SQOR: variants seen among roughly 807,000 people sequenced by gnomAD.
SQOR encodes sulfide:quinone oxidoreductase, mitochondrial.
A neutral mutation model predicts 48.6 loss-of-function variants in SQOR; 39 were observed. That is an observed-to-expected ratio of 0.80 (90% CI 0.62 to 1.05). SQOR has a LOEUF of 1.05. SQOR is among the 50% of genes least tolerant of loss of function. The pLI, the probability that SQOR is intolerant of heterozygous loss-of-function variation, is 0.00. For synonymous variants in SQOR, 220 were observed against 206.2 expected (o/e 1.07, Z -0.57); for missense variants, 561 against 559.9 (o/e 1.00, Z -0.02).
intron 5 of SQOR, among the ~76,000 whole-genome samples, chr15:45,675,808 A>G (rs1310026299): frequency 6.6e-6 from 1 of 152,188 alleles, no homozygotes; most frequent in Non-Finnish European, 1.5e-5. Context: ...GAATATATGA[A>G]TAAACATTCC....
intron 1 of SQOR, among the ~76,000 whole-genome samples, chr15:45,637,460 C>T (rs1391735467): frequency 1.3e-5 from 2 of 152,130 alleles, no homozygotes; most frequent in African/African-American, 4.8e-5. Context: ...GGGAGGTACT[C>T]ATTATTTATT....
At chr15:45,668,400 T>A (rs1242118816) in intron 3 of SQOR, among the ~76,000 whole-genome samples, 1 of 152,244 alleles carries the variant, frequency 6.6e-6, no homozygotes, top group Non-Finnish European at 1.5e-5. Flanking sequence ...ATTTAGTGAC[T>A]GTGCTAGATT....
At chr15:45,673,362 T>C (rs1889976241) in intron 4 of SQOR, among the ~76,000 whole-genome samples, 1 of 152,158 alleles carries the variant, frequency 6.6e-6, no homozygotes, top group South Asian at 2.1e-4. Context: ...ATTCAAATTG[T>C]ATTCTCAAGG....
chr15:45,659,315 G>A (rs149017477), intron 2 of SQOR, among the ~76,000 whole-genome samples, 158 bp downstream of exon 2: 2,115 of 152,262 alleles, frequency 0.014, 23 homozygotes, highest in Non-Finnish European at 0.023. Context: ...AGCCTATCCA[G>A]AAGGACTGGG....
At chr15:45,690,861 G>A (rs1016335527) in intron 9 of SQOR, 112 bp from the exon 10 acceptor site, 9 of 885,246 alleles carry the variant, frequency 1.0e-5, no homozygotes, top group Admixed American at 3.4e-5. Context: ...CTTGCTTTAC[G>A]TGCTGATGAA....
intron 2 of SQOR, among the ~76,000 whole-genome samples, chr15:45,660,358 G>A (rs140343478): frequency 2.6e-5 from 4 of 152,326 alleles, no homozygotes; most frequent in East Asian, 3.9e-4. Context: ...TTAAAGTGAC[G>A]TCTGTTCAAT....
At position 45,690,243 on chromosome 15, in the gene SQOR, T is replaced by G. The variant is rs919100481; in HGVS notation, c.1296-730T>G. Among the ~76,000 whole-genome samples, 3 of 152,176 alleles carry G rather than the reference T, an allele frequency of 2.0e-5. No homozygotes were observed. The South Asian group carries it at 6.2e-4, about 32-fold the overall frequency. The stretch of plus-strand genomic sequence containing the variant: ...ACCATGCCCAGCTAATTTTTGTATT[T>G]TTAGTAGAGACAGGGTTTTGCCATG... On this transcript the variant is annotated intron_variant, in intron 9 of 9. Transcript: ENST00000260324.
intron 4 of SQOR, among the ~76,000 whole-genome samples, chr15:45,673,230 T>C (rs1889974105): frequency 6.6e-6 from 1 of 152,222 alleles, no homozygotes; most frequent in Admixed American, 6.5e-5. Context: ...TTAAGTTTGC[T>C]ATTCTTGATG....
intron 1 of SQOR, among the ~76,000 whole-genome samples, chr15:45,645,319 C>A (rs1431249535): frequency 6.6e-6 from 1 of 152,166 alleles, no homozygotes; most frequent in Non-Finnish European, 1.5e-5. Flanking sequence ...CAGATTTAGA[C>A]CCGCCTTCTT....
intron 1 of SQOR, among the ~76,000 whole-genome samples, chr15:45,650,466 G>A (rs1322318898): frequency 6.6e-6 from 1 of 152,194 alleles, no homozygotes; most frequent in Non-Finnish European, 1.5e-5. Flanking sequence ...GAGTGTTACA[G>A]CACATAAGGG....
intron 7 of SQOR, among the ~76,000 whole-genome samples, chr15:45,686,443 C>T (rs1468622651): frequency 5.9e-5 from 9 of 152,134 alleles, no homozygotes; most frequent in Admixed American, 1.3e-4. Context: ...TGAGCCACCG[C>T]GCCCGGCCTC....
chr15:45,642,370 T>C (rs956345285), intron 1 of SQOR, among the ~76,000 whole-genome samples: 1 of 152,156 alleles, frequency 6.6e-6, no homozygotes, highest in Non-Finnish European at 1.5e-5. Flanking sequence ...GTGGGCTTAG[T>C]GTTAGAGGCC....
At chr15:45,655,723 G>C (rs1402513302) in intron 1 of SQOR, among the ~76,000 whole-genome samples, 5 of 140,998 alleles carry the variant, frequency 3.5e-5, no homozygotes, top group Admixed American at 2.3e-4. Flanking sequence ...TCACTCTGTT[G>C]CCCAGGCTGG....
chr15:45,642,105 G>T (rs1360527802), intron 1 of SQOR, among the ~76,000 whole-genome samples: 1 of 152,188 alleles, frequency 6.6e-6, no homozygotes, highest in African/African-American at 2.4e-5. Context: ...AATCAAAAAT[G>T]CTGAACTCAA....
intron 1 of SQOR, among the ~76,000 whole-genome samples, chr15:45,648,359 G>A (rs1453524871): frequency 2.6e-5 from 4 of 151,958 alleles, no homozygotes; most frequent in Admixed American, 2.6e-4. Context: ...TGTATTTTTA[G>A]GAGAGACGGG....
At chr15:45,640,500 G>A (rs906171454) in intron 1 of SQOR, among the ~76,000 whole-genome samples, 1 of 152,134 alleles carries the variant, frequency 6.6e-6, no homozygotes, top group African/African-American at 2.4e-5. Flanking sequence ...GAAGAGACGT[G>A]AGCTGTCTAC....
intron 3 of SQOR, among the ~76,000 whole-genome samples, chr15:45,669,177 A>G (rs1267862583): frequency 7.5e-6 from 1 of 132,630 alleles, no homozygotes; most frequent in African/African-American, 2.7e-5. Flanking sequence ...ATTTTTTTTT[A>G]ATTTTTTTTT....
chr15:45,656,497 T>A (rs1375244991), intron 1 of SQOR, among the ~76,000 whole-genome samples: 6 of 151,852 alleles, frequency 4.0e-5, no homozygotes, highest in Admixed American at 6.6e-5. Context: ...TCCCCATGTT[T>A]TCCATGCTAG....
chr15:45,674,875 G>A (rs1890007469), intron 5 of SQOR, among the ~76,000 whole-genome samples: 1 of 152,284 alleles, frequency 6.6e-6, no homozygotes, highest in African/African-American at 2.4e-5. Flanking sequence ...AGGATTTCTA[G>A]CAGCTAGTCG....
Sources: allele counts gnomAD v4.1 joint callset (sites outside exome capture counted in the v4.1 genomes callset), GRCh38; gene constraint gnomAD v4.1.1; transcripts MANE v1.5; gene names NCBI Gene and HGNC (gene_info 2026-07-23, HGNC 2026-07-21).